Variants in SLC25A47 observed in about 807,000 individuals in gnomAD.
SLC25A47 encodes solute carrier family 25 member 47, also known as HCC-down-regulated mitochondrial carrier protein.
SLC25A47 carries 30 observed loss-of-function variants against 29.8 expected under a neutral mutation model. The observed-to-expected ratio is 1.01, with a 90% confidence interval of 0.75 to 1.36. The LOEUF (loss-of-function observed/expected upper bound fraction) is 1.36. SLC25A47 is among the 40% of genes most tolerant of loss of function. The pLI is 0.00. For missense variants in SLC25A47, 430 were observed against 441.9 expected, an observed-to-expected ratio of 0.97 and a Z score of 0.24; for synonymous variants, 204 against 197.8, an observed-to-expected ratio of 1.03 and a Z score of -0.26.
intron 1 of SLC25A47, among the ~76,000 whole-genome samples, chr14:100,325,114 C>T (rs1893313002): frequency 6.6e-6 from 1 of 152,200 alleles, no homozygotes; most frequent in Non-Finnish European, 1.5e-5. Flanking sequence ...GAATGGTCCT[C>T]CCAGGGACCA....
At chr14:100,327,087 G>A (rs991775617) in intron 3 of SLC25A47, 101 bp from the exon 4 acceptor site, 26 of 1,180,442 alleles carry the variant, frequency 2.2e-5, no homozygotes, top group Admixed American at 5.0e-5. Context: ...TGACCTTCCC[G>A]AGGTCCGACA....
At chr14:100,323,552 C>A in intron 1 of SLC25A47, 110 bp downstream of exon 1, 1 of 1,313,024 alleles carries the variant, frequency 7.6e-7, no homozygotes, top group South Asian at 1.2e-5. Flanking sequence ...AGGAGCCCCT[C>A]ACCCCCCAGG....
chr14:100,330,387 GCTCC>G lies in SLC25A47; in HGVS notation c.*743_*746del, dbSNP rs1159548652. ...GTTTCTGAGGATGTTCAGGGCTGTG[GCTCC>G]ATGGCCGTGGGCTGACTGTTCCCTG... is the stretch of plus-strand genomic sequence containing the variant. On this transcript the variant is annotated 3_prime_UTR_variant, in exon 6 of 6. Coordinates refer to ENST00000361529, the MANE Select transcript of SLC25A47 (RefSeq NM_207117.4). The G allele has an allele frequency of 1.3e-5, 2 of 153,264 alleles. No homozygotes were observed. Among genetic ancestry groups the G allele is most frequent in the African/African-American group, 4.8e-5 (2 of 41,482 alleles). The allele number at this position is 153,264 out of a possible 1,614,324, so 9.5% of individuals were successfully genotyped here. A position where few individuals can be genotyped will look rare whatever the true frequency, so the allele number is the denominator to read the frequency against.
At chr14:100,327,066 G>C in intron 3 of SLC25A47, 122 bp from the exon 4 acceptor site, 2 of 941,452 alleles carry the variant, frequency 2.1e-6, no homozygotes, top group Non-Finnish European at 3.1e-6. Context: ...CTGAGGCCCT[G>C]AGGCCGTGAA....
At chr14:100,326,049 C>T in intron 2 of SLC25A47, 108 bp from the exon 3 acceptor site, 1 of 1,083,274 alleles carries the variant, frequency 9.2e-7, no homozygotes, top group Non-Finnish European at 1.4e-6. Flanking sequence ...GTGCCACCGT[C>T]CAGCATGGCT....
intron 3 of SLC25A47, 66 bp from the exon 4 acceptor site, chr14:100,327,122 G>A: frequency 6.7e-7 from 1 of 1,486,342 alleles, no homozygotes; most frequent in South Asian, 1.3e-5. Flanking sequence ...AGGGCTGAGT[G>A]TGGGCTCCCT....
In SLC25A47 at chr14:100,328,812, C is replaced by T. The variant is rs370547059; in HGVS notation, c.414C>T (p.Ala138=). 7 of 1,612,728 alleles carry T rather than the reference C, an allele frequency of 4.3e-6. No individual in the cohort carries two copies. The African/African-American group carries it at 9.3e-5, about 22-fold the overall frequency. ...QAQKQQRRLS[A]SGPLAVPPMC... ...AGAAGCAGCAGCGGCGGCTTTCGGC[C>T]TCGGGGCCGTTGGCTGTGCCCCCCA... Residue 138 remains alanine (A), a synonymous_variant, in exon 5 of 6, where the codon GCC becomes GCT. Coordinates refer to ENST00000361529, the MANE Select transcript of SLC25A47 (RefSeq NM_207117.4).
At chr14:100,327,890 G>T (rs150383145) in intron 4 of SLC25A47, among the ~76,000 whole-genome samples, 2 of 152,226 alleles carry the variant, frequency 1.3e-5, no homozygotes, top group South Asian at 4.1e-4. Context: ...GCAGCTGAAG[G>T]CCTGGCCCAG....
At chr14:100,327,734 G>A (rs541599607) in intron 4 of SLC25A47, among the ~76,000 whole-genome samples, 2 of 152,354 alleles carry the variant, frequency 1.3e-5, no homozygotes, top group African/African-American at 2.4e-5. Context: ...GAACACAGTC[G>A]GCCATTGCTG....
At chr14:100,326,029 T>A in intron 2 of SLC25A47, 128 bp from the exon 3 acceptor site, 1 of 973,016 alleles carries the variant, frequency 1.0e-6, no homozygotes, top group South Asian at 1.6e-5. Flanking sequence ...CAAGGCTCCC[T>A]GTCCCTGCTG....
intron 4 of SLC25A47, 31 bp from the exon 5 acceptor site, chr14:100,328,694 GT>G: frequency 6.2e-7 from 1 of 1,608,842 alleles, no homozygotes. Context: ...AGAGCCACAG[GT>G]GGCTGACCCC....
chr14:100,323,556 C>A, intron 1 of SLC25A47, 114 bp downstream of exon 1: 1 of 1,265,598 alleles, frequency 7.9e-7, no homozygotes, highest in East Asian at 2.4e-5. Flanking sequence ...GCCCCTCACC[C>A]CCCAGGATCT....
chr14:100,329,510 C>G lies in SLC25A47; in HGVS notation c.792C>G (p.Thr264=), dbSNP rs1893409800. 1 of 1,613,340 alleles carries G rather than the reference C, an allele frequency of 6.2e-7. No individual in the cohort carries two copies. The highest frequency in any genetic ancestry group is 1.3e-5 in the African/African-American group (1 of 74,920). Residue 264 remains threonine, a synonymous_variant, in exon 6 of 6, where the codon ACC becomes ACG. Coordinates refer to ENST00000361529, the MANE Select transcript of SLC25A47 (RefSeq NM_207117.4). The part of the protein sequence containing the change: ...RYRGLLHCMV[T]SVREEGPRVL... ...GGGGTCTCCTGCACTGTATGGTGAC[C>G]AGCGTTCGAGAGGAGGGACCCCGGG...
At position 100,329,785 on chromosome 14, in the gene SLC25A47, G is replaced by C; in HGVS notation, c.*140G>C. ...GAATGAGGAGCCTCCCTGCAGTGTT[G>C]TCGGCCGAGGCCTGAGCTCGCCCTG... On this transcript the variant is annotated 3_prime_UTR_variant, in exon 6 of 6. Coordinates refer to ENST00000361529, the MANE Select transcript of SLC25A47 (RefSeq NM_207117.4). 12 of 1,192,534 alleles carry C rather than the reference G, an allele frequency of 1.0e-5. No homozygotes were observed. Among genetic ancestry groups the C allele is most frequent in the Non-Finnish European group, 1.4e-5 (12 of 863,572 alleles). The allele number at this position is 1,192,534 out of a possible 1,614,324, so 73.9% of individuals were successfully genotyped here. A position where few individuals can be genotyped will look rare whatever the true frequency, so the allele number is the denominator to read the frequency against.
intron 1 of SLC25A47, among the ~76,000 whole-genome samples, chr14:100,325,540 G>A (rs1334465656): frequency 1.3e-5 from 2 of 152,210 alleles, no homozygotes; most frequent in Admixed American, 6.5e-5. Flanking sequence ...AGGCAGTCCC[G>A]GGCCAGGACT....
chr14:100,325,238 C>T (rs1295074360), intron 1 of SLC25A47, among the ~76,000 whole-genome samples: 1 of 152,198 alleles, frequency 6.6e-6, no homozygotes, highest in East Asian at 1.9e-4. Context: ...TCCACACACG[C>T]TTGTGGTTCC....
chr14:100,326,766 G>A (rs1893346361), intron 3 of SLC25A47, among the ~76,000 whole-genome samples: 1 of 152,186 alleles, frequency 6.6e-6, no homozygotes, highest in Admixed American at 6.5e-5. Context: ...CTGTGGTCAG[G>A]AGTTCAAGAC....
At position 100,329,896 on chromosome 14, in the gene SLC25A47, T is replaced by C. The variant is rs1893420017; in HGVS notation, c.*251T>C. ...GGCAGGAGCCAGGGAGGAGTGGGCCTCTTTGATGAGAGCGTTGAGTTGCAT... is the reference window on the plus strand; with the variant it reads ...GGCAGGAGCCAGGGAGGAGTGGGCCCCTTTGATGAGAGCGTTGAGTTGCAT... On this transcript the variant is annotated 3_prime_UTR_variant, in exon 6 of 6. Coordinates refer to ENST00000361529, the MANE Select transcript of SLC25A47 (RefSeq NM_207117.4). The C allele has an allele frequency of 3.5e-6, 2 of 563,684 alleles. No individual in the cohort carries two copies. Among genetic ancestry groups the C allele is most frequent in the Admixed American group, 3.2e-5 (1 of 31,198 alleles). 34.9% of individuals were successfully genotyped at this position (563,684 alleles called of 1,614,324 possible).
rs1221621011 is a variant in SLC25A47, at chr14:100,330,242, T to A, written c.*597T>A. 3 of 154,438 alleles carry A rather than the reference T, an allele frequency of 1.9e-5. No homozygotes were observed. Among genetic ancestry groups the A allele is most frequent in the African/African-American group, 7.2e-5 (3 of 41,460 alleles). The allele number at this position is 154,438 out of a possible 1,614,324, so 9.6% of individuals were successfully genotyped here. On this transcript the variant is annotated 3_prime_UTR_variant, in exon 6 of 6. Coordinates refer to ENST00000361529, the MANE Select transcript of SLC25A47 (RefSeq NM_207117.4). ...ACCTGAGAGGGGCCTGGGGTGGCCGTCCTCGGCCGGTTAGGGAATTTGGGG... is the reference window on the plus strand; with the variant it reads ...ACCTGAGAGGGGCCTGGGGTGGCCGACCTCGGCCGGTTAGGGAATTTGGGG...
Sources: allele counts gnomAD v4.1 joint callset (sites outside exome capture counted in the v4.1 genomes callset), GRCh38; gene constraint gnomAD v4.1.1; transcripts MANE v1.5; gene names NCBI Gene and HGNC (gene_info 2026-07-23, HGNC 2026-07-21).